ADAM23: variants seen among roughly 807,000 people sequenced by gnomAD.
ADAM23 encodes disintegrin and metalloproteinase domain-containing protein 23.
A neutral mutation model predicts 120.1 loss-of-function variants in ADAM23; 33 were observed. The observed-to-expected ratio is 0.27, with a 90% CI of 0.21 to 0.37. The LOEUF is 0.37. Among genes scored for constraint, ADAM23 ranks in the 10% least tolerant of loss-of-function variants. The pLI is 1.00. For missense variants in ADAM23, 862 were observed against 1,058.2 expected (o/e 0.81, Z 2.57); for synonymous variants, 367 against 375.2 (o/e 0.98, Z 0.25).
chr2:206,472,615 GAA>G (rs11389922), intron 2 of ADAM23, among the ~76,000 whole-genome samples: 1 of 142,624 alleles, frequency 7.0e-6, no homozygotes, highest in African/African-American at 2.6e-5. Flanking sequence ...CATCTCAGGG[GAA>G]AAAAAAAAAA....
intron 3 of ADAM23, among the ~76,000 whole-genome samples, chr2:206,514,894 A>G (rs1026059178): frequency 6.6e-6 from 1 of 152,204 alleles, no homozygotes; most frequent in Non-Finnish European, 1.5e-5. Context: ...TTAGCAATAA[A>G]GTATTTTTAG....
At chr2:206,517,092 C>T (rs1398087193) in intron 3 of ADAM23, among the ~76,000 whole-genome samples, 3 of 152,150 alleles carry the variant, frequency 2.0e-5, no homozygotes, top group Non-Finnish European at 2.9e-5. Flanking sequence ...CCTAAACACA[C>T]GTATGCACTT....
rs544531332 is a variant in ADAM23, at chr2:206,561,330, G to A, written c.1254+118G>A. 71 of 837,820 alleles carry A rather than the reference G, an allele frequency of 8.5e-5. No individual in the cohort carries two copies. In the South Asian group the frequency reaches 1.1e-3, roughly 13 times the overall value. 51.9% of individuals were successfully genotyped at this position (837,820 alleles called of 1,614,324 possible). On this transcript the variant is annotated intron_variant, in intron 12 of 25. Transcript: ENST00000264377. ...ATGACATGGCAAATGTAGCATGAGT[G>A]GCTTATGTTATTAATAAATAGAACC...
At chr2:206,444,503 A>T (rs929905743) in intron 1 of ADAM23, among the ~76,000 whole-genome samples, 7 of 152,152 alleles carry the variant, frequency 4.6e-5, no homozygotes, top group African/African-American at 1.4e-4. Context: ...TATCCGGCGC[A>T]TTCAGTGCGG....
chr2:206,617,546 C>T (rs1376144639), intron 25 of ADAM23, 33 bp from the exon 26 acceptor site: 4 of 1,581,806 alleles, frequency 2.5e-6, no homozygotes, highest in Non-Finnish European at 3.4e-6. Flanking sequence ...TTTTCCCCCT[C>T]TGCTTGCATC....
chr2:206,610,261 C>T (rs934150650), intron 25 of ADAM23, among the ~76,000 whole-genome samples: 1 of 152,158 alleles, frequency 6.6e-6, no homozygotes, highest in African/African-American at 2.4e-5. Context: ...AGAAGACAGT[C>T]CAGCTTGTAA....
At position 206,512,290 on chromosome 2, in the gene ADAM23, G is replaced by T. The variant is rs560757356; in HGVS notation, c.510-18595G>T. 2.0e-5 allele frequency among the ~76,000 whole-genome samples: 3 copies of T among 152,286 alleles called. No individual in the cohort carries two copies. In the South Asian group the frequency reaches 6.2e-4, roughly 32 times the overall value. ...TCAAATTCTTCTCTAGTTAAGAATT[G>T]TAAGAATGATCAGGCATGAGACACA... On this transcript the variant is annotated intron_variant, in intron 3 of 25. Transcript: ENST00000264377.
rs370330457 is a variant in ADAM23, at chr2:206,553,360, C to T, written c.933+3200C>T. Among the ~76,000 whole-genome samples the T allele has an allele frequency of 2.6e-5, 4 of 152,174 alleles. No individual in the cohort carries two copies. In the East Asian group the frequency reaches 5.8e-4, roughly 22 times the overall value. On this transcript the variant is annotated intron_variant, in intron 9 of 25. Transcript: ENST00000264377. ...CTGAGACAGGAGAATTGATTGAACCCGGGAGGTGGAGGTTGCACTGAGCCA... is the reference window on the plus strand; with the variant it reads ...CTGAGACAGGAGAATTGATTGAACCTGGGAGGTGGAGGTTGCACTGAGCCA...
intron 4 of ADAM23, among the ~76,000 whole-genome samples, chr2:206,537,301 G>T (rs910324918): frequency 3.3e-5 from 5 of 152,164 alleles, no homozygotes; most frequent in African/African-American, 9.7e-5. Context: ...CAGCAGGAGA[G>T]CATGGATTGT....
intron 2 of ADAM23, among the ~76,000 whole-genome samples, chr2:206,462,723 A>T (rs1695451370): frequency 6.6e-6 from 1 of 152,052 alleles, no homozygotes; most frequent in Admixed American, 6.6e-5. Context: ...CAGAAGGTTG[A>T]TGGTGAGGGA....
intron 6 of ADAM23, among the ~76,000 whole-genome samples, chr2:206,543,871 A>C (rs1314213076): frequency 6.6e-6 from 1 of 152,224 alleles, no homozygotes; most frequent in Non-Finnish European, 1.5e-5. Flanking sequence ...TAAGTGAAGT[A>C]ACTCAGGAGT....
intron 2 of ADAM23, among the ~76,000 whole-genome samples, chr2:206,478,704 A>G (rs1193692861): frequency 6.6e-6 from 1 of 152,170 alleles, no homozygotes; most frequent in Non-Finnish European, 1.5e-5. Context: ...TCATTGTTTG[A>G]CATTTCATCT....
At chr2:206,594,155 C>T (rs1009533488) in intron 22 of ADAM23, among the ~76,000 whole-genome samples, 13 of 151,850 alleles carry the variant, frequency 8.6e-5, no homozygotes, top group Non-Finnish European at 1.3e-4. Flanking sequence ...TAAGCTCATT[C>T]TATGACATTT....
At chr2:206,613,311 G>C (rs539213873) in intron 25 of ADAM23, among the ~76,000 whole-genome samples, 1 of 152,064 alleles carries the variant, frequency 6.6e-6, no homozygotes, top group African/African-American at 2.4e-5. Context: ...CGCCAGACTC[G>C]GCCTCCCAAA....
chr2:206,564,211 T>A, intron 13 of ADAM23, among the ~76,000 whole-genome samples: 1 of 151,970 alleles, frequency 6.6e-6, no homozygotes, highest in East Asian at 1.9e-4. Flanking sequence ...TATTGCTCTC[T>A]CTATCGATAT....
At chr2:206,485,712 A>T (rs1371725283) in intron 3 of ADAM23, among the ~76,000 whole-genome samples, 1 of 152,222 alleles carries the variant, frequency 6.6e-6, no homozygotes, top group African/African-American at 2.4e-5. Context: ...TGCTGAGAAT[A>T]AGATAGACAA....
intron 3 of ADAM23, among the ~76,000 whole-genome samples, chr2:206,521,136 C>T (rs1163842373): frequency 6.6e-6 from 1 of 152,060 alleles, no homozygotes; most frequent in African/African-American, 2.4e-5. Context: ...CTGCTTGATG[C>T]TTTGTTTGTT....
chr2:206,544,773 C>G (rs528507761), intron 6 of ADAM23, among the ~76,000 whole-genome samples: 10 of 152,166 alleles, frequency 6.6e-5, no homozygotes, highest in African/African-American at 1.7e-4. Context: ...CCACCGCACC[C>G]AGCTAATTTT....
intron 2 of ADAM23, among the ~76,000 whole-genome samples, chr2:206,467,707 G>T (rs1037427187): frequency 6.6e-6 from 1 of 152,222 alleles, no homozygotes; most frequent in Admixed American, 6.5e-5. Context: ...CAGTACCCCA[G>T]TGGGGACTCT....
Sources: gnomAD v4.1 joint callset for allele counts (sites outside exome capture counted in the v4.1 genomes callset) on GRCh38, gnomAD v4.1.1 for gene constraint, MANE v1.5 for transcripts, NCBI Gene and HGNC (gene_info 2026-07-23, HGNC 2026-07-21) for gene names.